The following COL14A1 variants were observed in gnomAD, a reference collection of about 807,000 sequenced individuals.
COL14A1 encodes the protein collagen type XIV alpha 1 chain.
Under a neutral mutation model 230.3 loss-of-function variants are expected in COL14A1, and 136 were observed. The ratio of observed to expected loss-of-function variants is 0.59; its 90% CI spans 0.51 to 0.68. The LOEUF is 0.68. COL14A1 is among the 30% of genes least tolerant of loss of function. The pLI is 0.00. For missense variants in COL14A1, 1,976 were observed against 2,215.8 expected, an observed-to-expected ratio of 0.89 and a Z score of 2.17; for synonymous variants, 792 against 784.1, an observed-to-expected ratio of 1.01 and a Z score of -0.17.
chr8:120,194,946 G>T (rs1816976730), intron 5 of COL14A1, among the ~76,000 whole-genome samples: 1 of 152,166 alleles, frequency 6.6e-6, no homozygotes, highest in Non-Finnish European at 1.5e-5. Context: ...TGGTACAGTA[G>T]GGTTGACTCC....
chr8:120,218,221 TATAA>T (rs1298098243), intron 14 of COL14A1, among the ~76,000 whole-genome samples: 34 of 139,012 alleles, frequency 2.4e-4, no homozygotes, highest in African/African-American at 8.0e-4. Flanking sequence ...AATATATAAA[TATAA>T]ATAAATATAT....
intron 33 of COL14A1, among the ~76,000 whole-genome samples, chr8:120,287,860 T>C (rs1820252142): frequency 6.6e-6 from 1 of 152,142 alleles, no homozygotes; most frequent in Non-Finnish European, 1.5e-5. Flanking sequence ...ATACTTTATC[T>C]TAATTTCTCA....
rs768900298 is a variant in COL14A1 at position 120,297,542 on chromosome 8, C to T, written c.4268C>T (p.Ser1423Phe). The change falls in exon 35 of 48, where the codon TCC becomes TTC. Residue 1423 changes from serine (S) to phenylalanine (F), a missense_variant. Physicochemically the swap from Ser to Phe is radical, Grantham distance 155. Around this residue, in one of 3 missense-constraint regions of COL14A1, gnomAD observed 1,791 missense variants for 2,019.5 expected, o/e 0.89. Transcript: ENST00000297848. ...TTACAGATGTTTGATATTGTTTGCT[C>T]CACATCATGGGCCAATACAGACAAA... ...FQLQMFDIVCSTSWANTDKCC... is the reference protein window; with the variant it reads ...FQLQMFDIVCFTSWANTDKCC... 1.6e-5 allele frequency: 23 copies of T among 1,463,870 alleles called. No homozygotes were observed. In the South Asian group the frequency reaches 2.6e-4, roughly 16 times the overall value. The allele number at this position is 1,463,870 out of a possible 1,614,324, so 90.7% of individuals were successfully genotyped here. A position where few individuals can be genotyped will look rare whatever the true frequency, so the allele number is the denominator to read the frequency against.
At chr8:120,193,775 C>G (rs139389321) in intron 5 of COL14A1, among the ~76,000 whole-genome samples, 1 of 152,274 alleles carries the variant, frequency 6.6e-6, no homozygotes, top group Non-Finnish European at 1.5e-5. Flanking sequence ...CCCCCAGCCT[C>G]GCTGCCACCT....
chr8:120,182,729 T>G (rs1258224046), intron 5 of COL14A1, among the ~76,000 whole-genome samples: 4 of 148,036 alleles, frequency 2.7e-5, no homozygotes, highest in African/African-American at 9.9e-5. Context: ...TTTCTTCGTT[T>G]TTTTTTTTTT....
intron 10 of COL14A1, among the ~76,000 whole-genome samples, chr8:120,207,317 A>G (rs545168726): frequency 4.3e-4 from 65 of 152,332 alleles, no homozygotes; most frequent in Non-Finnish European, 7.6e-4. Context: ...CTGGTCAGGT[A>G]TGAATTTCTA....
intron 40 of COL14A1, 107 bp downstream of exon 40, chr8:120,316,104 T>C: frequency 1.9e-6 from 2 of 1,039,790 alleles, no homozygotes; most frequent in Non-Finnish European, 1.5e-6. Context: ...AGTTTTTGCT[T>C]TTTGTTTTCT....
In COL14A1 at chr8:120,193,991, CT is replaced by C. The variant is rs1172465124; in HGVS notation, c.437-2798del. Among the ~76,000 whole-genome samples, 6 of 152,224 alleles carry C rather than the reference CT, an allele frequency of 3.9e-5. No individual in the cohort carries two copies. In the East Asian group the frequency reaches 1.2e-3, roughly 29 times the overall value. On this transcript the variant is annotated intron_variant, in intron 5 of 47. Coordinates refer to ENST00000297848, the MANE Select transcript of COL14A1 (RefSeq NM_021110.4). ...ACTAGGAAAGGGAACTCCCTGACCC[CT>C]TGCGCTTCCCGGGTGAGGCAATGCC...
intron 36 of COL14A1, among the ~76,000 whole-genome samples, chr8:120,306,593 G>C (rs1820865275): frequency 6.6e-6 from 1 of 152,148 alleles, no homozygotes; most frequent in Admixed American, 6.5e-5. Context: ...AGGAAGGCCT[G>C]GATAGAAGAA....
Position 120,300,796 on chromosome 8 carries a change from C to T in COL14A1, c.4379C>T (p.Ala1460Val). ...SCSCSETNEV[A>V]LGPAGPPGGP... ...TCCTGTTCTGAAACCAATGAAGTGG[C>T]TCTGGGACCAGCGGGCCCACCAGTA... Residue 1460 changes from alanine (A) to valine (V), a missense_variant, in exon 36 of 48, where the codon GCT (alanine) becomes GTT (valine). Ala to Val is a moderately conservative substitution (Grantham distance 64, BLOSUM62 0). Transcript: ENST00000297848. The T allele has an allele frequency of 6.2e-7, 1 of 1,613,600 alleles. No individual in the cohort carries two copies. Among genetic ancestry groups the T allele is most frequent in the Non-Finnish European group, 8.5e-7 (1 of 1,179,628 alleles).
rs754869416 is a variant in COL14A1 at position 120,197,940 on chromosome 8, G to A, written c.712+10G>A. On this transcript the variant is annotated intron_variant, in intron 7 of 47. Transcript: ENST00000297848. ...GGAAATACACTAACAGGTATGTTTT[G>A]TTCAATCCATGTTATAACAACATAT... is the stretch of plus-strand genomic sequence containing the variant. 1.2e-6 allele frequency: 2 copies of A among 1,612,472 alleles called. No individual in the cohort carries two copies. The highest frequency in any genetic ancestry group is 1.1e-5 in the South Asian group (1 of 90,934).
At chr8:120,357,997 G>A (rs960353229) in intron 45 of COL14A1, among the ~76,000 whole-genome samples, 2 of 152,234 alleles carry the variant, frequency 1.3e-5, no homozygotes, top group African/African-American at 2.4e-5. Flanking sequence ...GAGAAAAAAA[G>A]CCATTGACAA....
intron 45 of COL14A1, among the ~76,000 whole-genome samples, chr8:120,360,986 C>T (rs1173742161): frequency 1.3e-5 from 2 of 152,142 alleles, no homozygotes; most frequent in Non-Finnish European, 2.9e-5. Context: ...CCCTCTGCAC[C>T]CCTGCTTCTA....
intron 1 of COL14A1, among the ~76,000 whole-genome samples, chr8:120,130,294 A>G (rs1013428736): frequency 2.0e-5 from 3 of 152,264 alleles, no homozygotes; most frequent in African/African-American, 7.2e-5. Context: ...AACAGTTCAT[A>G]GACCAGCTAC....
chr8:120,231,372 A>G, intron 18 of COL14A1, 95 bp from the exon 19 acceptor site: 2 of 1,328,024 alleles, frequency 1.5e-6, no homozygotes, highest in South Asian at 2.8e-5. Flanking sequence ...GATACATTAA[A>G]TGATGCTTGC....
At chr8:120,354,407 A>G (rs1215660349) in intron 45 of COL14A1, among the ~76,000 whole-genome samples, 1 of 149,780 alleles carries the variant, frequency 6.7e-6, no homozygotes, top group Non-Finnish European at 1.5e-5. Context: ...AAAAAAAAAA[A>G]AAGAAAAACA....
chr8:120,236,592 T>C (rs1276025508), intron 19 of COL14A1, among the ~76,000 whole-genome samples: 4 of 152,238 alleles, frequency 2.6e-5, no homozygotes, highest in Non-Finnish European at 5.9e-5. Flanking sequence ...CTGTGTCTTT[T>C]AATTGGGGCA....
chr8:120,167,688 T>A (rs1815953993), intron 4 of COL14A1, among the ~76,000 whole-genome samples: 1 of 152,236 alleles, frequency 6.6e-6, no homozygotes, highest in Non-Finnish European at 1.5e-5. Context: ...TCTTCTTGTT[T>A]TGCTGTTGGA....
intron 1 of COL14A1, among the ~76,000 whole-genome samples, chr8:120,142,561 A>G (rs892959437): frequency 2.6e-5 from 4 of 152,222 alleles, no homozygotes; most frequent in African/African-American, 9.6e-5. Flanking sequence ...TTCTTTTAGC[A>G]TGTACACTGA....
Sources: allele counts gnomAD v4.1 joint callset (sites outside exome capture counted in the v4.1 genomes callset), GRCh38; gene constraint gnomAD v4.1.1; regional missense constraint gnomAD v4.1.1; transcripts MANE v1.5; gene names NCBI Gene and HGNC (gene_info 2026-07-23, HGNC 2026-07-21).